DIAPH2: variants seen among roughly 807,000 people sequenced by gnomAD.
DIAPH2 encodes the protein protein diaphanous homolog 2.
DIAPH2 carries 35 observed loss-of-function variants against 92.7 expected under a neutral mutation model. That is an observed-to-expected ratio of 0.38 (90% confidence interval 0.29 to 0.50). DIAPH2 has a LOEUF of 0.50. DIAPH2 is among the 20% of genes least tolerant of loss of function. The pLI is 0.94. For missense variants in DIAPH2, 701 were observed against 819.5 expected (o/e 0.86, Z 1.77); for synonymous variants, 301 against 280.4 (o/e 1.07, Z -0.73).
intron 4 of DIAPH2, among the ~76,000 whole-genome samples, chrX:96,871,723 A>G (rs1321676360): frequency 1.8e-5 from 2 of 111,771 alleles, no homozygotes; most frequent in Non-Finnish European, 3.8e-5. Flanking sequence ...TACTTATAAA[A>G]TTGTTTTTAA....
chrX:97,086,818 A>G (rs2066786590), intron 19 of DIAPH2, among the ~76,000 whole-genome samples: 1 of 111,563 alleles, frequency 9.0e-6, no homozygotes, highest in Admixed American at 9.6e-5. Context: ...TGGGATCACA[A>G]CTTGGTTCAT....
chrX:97,596,224 G>A (rs981402008), intron 26 of DIAPH2, among the ~76,000 whole-genome samples: 6 of 111,819 alleles, frequency 5.4e-5, no homozygotes, highest in African/African-American at 1.9e-4. Flanking sequence ...TAAGAAAAAT[G>A]AAGCAGATGA....
chrX:97,231,241 C>T (rs866290836), intron 22 of DIAPH2, among the ~76,000 whole-genome samples: 11 of 83,352 alleles, frequency 1.3e-4, no homozygotes, highest in Admixed American at 4.2e-4. Context: ...TTCTTTCAGG[C>T]TTTTTTTTTT....
intron 26 of DIAPH2, among the ~76,000 whole-genome samples, chrX:97,480,014 T>C (rs1167404011): frequency 8.9e-6 from 1 of 112,014 alleles, no homozygotes; most frequent in Non-Finnish European, 1.9e-5. Flanking sequence ...AGTACTTTAA[T>C]AATAGGCTAT....
intron 22 of DIAPH2, among the ~76,000 whole-genome samples, chrX:97,173,948 T>C (rs752823241): frequency 2.6e-4 from 28 of 106,951 alleles, no homozygotes; most frequent in African/African-American, 8.8e-4. Flanking sequence ...AATAGAATAG[T>C]ATCTAATGGT....
At chrX:97,330,289 C>T (rs1223615695) in intron 23 of DIAPH2, among the ~76,000 whole-genome samples, 8 of 109,427 alleles carry the variant, frequency 7.3e-5, no homozygotes, top group Admixed American at 5.9e-4. Context: ...AAATTTTCAT[C>T]TTGCATAACT....
chrX:96,926,856 A>T (rs1382562071), intron 9 of DIAPH2, among the ~76,000 whole-genome samples: 1 of 111,564 alleles, frequency 9.0e-6, no homozygotes, highest in Non-Finnish European at 1.9e-5. Context: ...TTAATAATGG[A>T]GAAAATTCAC....
chrX:97,563,058 A>G (rs1017240267), intron 26 of DIAPH2, among the ~76,000 whole-genome samples: 4 of 112,454 alleles, frequency 3.6e-5, no homozygotes, highest in Non-Finnish European at 7.5e-5. Context: ...TGTATTTATA[A>G]TAAGCCCTCA....
chrX:97,459,421 T>A (rs2070438922), intron 26 of DIAPH2, among the ~76,000 whole-genome samples: 1 of 112,326 alleles, frequency 8.9e-6, no homozygotes. Flanking sequence ...AGTAGGATTT[T>A]CCTCGTGGGT....
At chrX:97,212,245 A>G (rs944025121) in intron 22 of DIAPH2, among the ~76,000 whole-genome samples, 1 of 112,030 alleles carries the variant, frequency 8.9e-6, no homozygotes, top group Non-Finnish European at 1.9e-5. Context: ...ACACTGTGCA[A>G]TAGCAATAGG....
Position 97,455,927 on chromosome X carries a change from C to G in DIAPH2, c.3241+26182C>G, listed in dbSNP as rs1403091199. 3.6e-5 allele frequency among the ~76,000 whole-genome samples: 4 copies of G among 111,872 alleles called. No homozygotes were observed. The Admixed American group carries it at 3.8e-4, about 11-fold the overall frequency. The stretch of plus-strand genomic sequence containing the variant: ...CCTGACAGTTTTAGTAAATGACCAT[C>G]TTTTTCAAGTTCCCTTCATTTCCCT... On this transcript the variant is annotated intron_variant, in intron 26 of 26. Transcript: ENST00000324765.
chrX:96,854,598 C>CAT (rs57209486), intron 4 of DIAPH2, among the ~76,000 whole-genome samples: 1,738 of 36,785 alleles, frequency 0.047, 74 homozygotes, highest in Non-Finnish European at 0.064. Flanking sequence ...CTCTCTCTCT[C>CAT]ATATATATAT....
intron 22 of DIAPH2, among the ~76,000 whole-genome samples, chrX:97,147,382 ATATG>A (rs2067255002): frequency 1.8e-5 from 2 of 110,313 alleles, no homozygotes; most frequent in Non-Finnish European, 3.8e-5. Flanking sequence ...AAGTTTATAT[ATATG>A]TATGTATATG....
chrX:96,884,820 A>C, intron 5 of DIAPH2: 1 of 1,211,338 alleles, frequency 8.3e-7, no homozygotes, highest in Non-Finnish European at 1.1e-6. Context: ...TGCTGGATAA[A>C]GCCCGTCGTG....
chrX:97,400,497 A>G (rs2069745393), intron 25 of DIAPH2, among the ~76,000 whole-genome samples: 1 of 112,051 alleles, frequency 8.9e-6, no homozygotes, highest in African/African-American at 3.2e-5. Flanking sequence ...AATCTAATTA[A>G]CATATTCATC....
At chrX:97,228,252 T>A (rs1421950975) in intron 22 of DIAPH2, among the ~76,000 whole-genome samples, 1 of 111,488 alleles carries the variant, frequency 9.0e-6, no homozygotes, top group Non-Finnish European at 1.9e-5. Context: ...ATTAGAAAAT[T>A]CAGCAGGTGC....
At chrX:96,707,174 A>G (rs2063890270) in intron 1 of DIAPH2, among the ~76,000 whole-genome samples, 1 of 108,536 alleles carries the variant, frequency 9.2e-6, no homozygotes, top group Admixed American at 9.8e-5. Flanking sequence ...TGACTGATGG[A>G]TTGATTGATT....
At chrX:97,348,994 A>G (rs2069183248) in intron 24 of DIAPH2, among the ~76,000 whole-genome samples, 1 of 107,918 alleles carries the variant, frequency 9.3e-6, no homozygotes, top group South Asian at 4.0e-4. Context: ...GTGTGTGTGT[A>G]TATATATATG....
intron 17 of DIAPH2, among the ~76,000 whole-genome samples, chrX:96,983,954 A>T (rs1434347272): frequency 1.8e-5 from 2 of 112,076 alleles, no homozygotes; most frequent in Non-Finnish European, 1.9e-5. Context: ...ACTAAGTTTA[A>T]TTAATTAGGA....
Sources: gnomAD v4.1 joint callset for allele counts (sites outside exome capture counted in the v4.1 genomes callset) on GRCh38, gnomAD v4.1.1 for gene constraint, MANE v1.5 for transcripts, NCBI Gene and HGNC (gene_info 2026-07-23, HGNC 2026-07-21) for gene names.